The following DPYSL3 variants were observed in gnomAD, a reference collection of about 807,000 sequenced individuals.
DPYSL3 encodes dihydropyrimidinase like 3.
In DPYSL3, 16 loss-of-function variants were observed where a neutral mutation model predicts 66.1. The ratio of observed to expected loss-of-function variants is 0.24; its 90% CI spans 0.16 to 0.37. DPYSL3 has a LOEUF of 0.37. Ranked by LOEUF, DPYSL3 falls within the 10% of genes least tolerant of loss-of-function variation. The pLI, the probability that DPYSL3 is intolerant of heterozygous loss-of-function variation, is 1.00. For missense variants in DPYSL3, 738 were observed against 916.2 expected (o/e 0.81, Z 2.51); for synonymous variants, 338 against 345.1 (o/e 0.98, Z 0.23).
chr5:147,429,527 A>T (rs1752268574), intron 1 of DPYSL3, among the ~76,000 whole-genome samples: 1 of 152,152 alleles, frequency 6.6e-6, no homozygotes, highest in African/African-American at 2.4e-5. Flanking sequence ...TAGCTAATAA[A>T]TATTACATTT....
chr5:147,423,023 C>A (rs1408863360), intron 2 of DPYSL3, among the ~76,000 whole-genome samples: 2 of 152,046 alleles, frequency 1.3e-5, no homozygotes. Flanking sequence ...TAAAAAAGTT[C>A]TGTGAACAAT....
intron 8 of DPYSL3, among the ~76,000 whole-genome samples, chr5:147,403,456 G>A (rs1293745036): frequency 6.6e-6 from 1 of 152,152 alleles, no homozygotes; most frequent in Non-Finnish European, 1.5e-5. Context: ...AGCTCTCCCA[G>A]CTGGGAGATC....
intron 1 of DPYSL3, among the ~76,000 whole-genome samples, chr5:147,464,534 A>C (rs536273893): frequency 6.6e-6 from 1 of 152,200 alleles, no homozygotes; most frequent in Non-Finnish European, 1.5e-5. Flanking sequence ...TATCAGGAGA[A>C]GGTAAGGCTG....
intron 1 of DPYSL3, among the ~76,000 whole-genome samples, chr5:147,497,050 C>G (rs1052724835): frequency 7.2e-5 from 11 of 152,276 alleles, no homozygotes; most frequent in African/African-American, 2.6e-4. Context: ...CACATATACA[C>G]CACGGAATAC....
intron 2 of DPYSL3, among the ~76,000 whole-genome samples, chr5:147,422,320 A>G (rs1752097197): frequency 3.9e-5 from 6 of 152,220 alleles, no homozygotes; most frequent in Admixed American, 3.9e-4. Context: ...CACGCCAGTT[A>G]GAATGGCGAT....
intron 7 of DPYSL3, among the ~76,000 whole-genome samples, chr5:147,406,621 T>C (rs1418260814): frequency 6.6e-6 from 1 of 152,218 alleles, no homozygotes; most frequent in Non-Finnish European, 1.5e-5. Flanking sequence ...GCTACTGATA[T>C]TATTGTTGAT....
chr5:147,420,826 C>A (rs141944436), intron 2 of DPYSL3, among the ~76,000 whole-genome samples: 1 of 152,086 alleles, frequency 6.6e-6, no homozygotes, highest in East Asian at 1.9e-4. Flanking sequence ...ATAGAAATGG[C>A]GAAAAGGAAT....
chr5:147,405,949 T>C, intron 7 of DPYSL3: 1 of 472,176 alleles, frequency 2.1e-6, no homozygotes, highest in Non-Finnish European at 3.7e-6. Context: ...ACTAGTAAAA[T>C]AGTATAGCAC....
intron 1 of DPYSL3, among the ~76,000 whole-genome samples, chr5:147,475,047 C>T (rs547708436): frequency 3.3e-4 from 50 of 152,070 alleles, no homozygotes; most frequent in African/African-American, 1.2e-3. Context: ...TGGCAGTTTC[C>T]CAAAAGACTA....
chr5:147,452,471 C>T (rs1752750680), intron 1 of DPYSL3, among the ~76,000 whole-genome samples: 1 of 143,546 alleles, frequency 7.0e-6, no homozygotes, highest in Admixed American at 6.9e-5. Flanking sequence ...ACACACACAC[C>T]ATCCAATTCA....
intron 12 of DPYSL3, 83 bp from the exon 13 acceptor site, chr5:147,395,804 TAC>T: frequency 6.6e-7 from 1 of 1,511,096 alleles, no homozygotes; most frequent in Non-Finnish European, 9.0e-7. Flanking sequence ...TATTAGTGAA[TAC>T]AGTGTGTGGT....
intron 1 of DPYSL3, among the ~76,000 whole-genome samples, chr5:147,466,324 G>A (rs1753010027): frequency 1.3e-5 from 2 of 152,168 alleles, no homozygotes; most frequent in African/African-American, 4.8e-5. Flanking sequence ...GGAGAATAGG[G>A]AGTCTGTGTC....
chr5:147,438,792 T>C (rs902648040), intron 1 of DPYSL3, among the ~76,000 whole-genome samples: 1 of 152,262 alleles, frequency 6.6e-6, no homozygotes, highest in Admixed American at 6.5e-5. Context: ...GTAACATGTA[T>C]TAAATTTTGT....
At position 147,454,016 on chromosome 5, in the gene DPYSL3, G is replaced by T. The variant is rs186453400; in HGVS notation, c.382-29053C>A. On this transcript the variant is annotated intron_variant, in intron 1 of 13. Transcript: ENST00000343218. ...TTTTTTTCTGATTCGCGAGTGCTGC[G>T]GAGTCAGGCTGCTCCACAGCCACCA... is the stretch of plus-strand genomic sequence containing the variant. The T allele has an allele frequency of 3.3e-3, 519 of 157,386 alleles. 3 individuals are homozygous for T. Among genetic ancestry groups the T allele is most frequent in the African/African-American group, 0.012 (482 of 40,896 alleles). The allele number at this position is 157,386 out of a possible 1,614,324, so 9.7% of individuals were successfully genotyped here.
chr5:147,418,991 T>C (rs1225021151), intron 2 of DPYSL3, among the ~76,000 whole-genome samples: 1 of 152,174 alleles, frequency 6.6e-6, no homozygotes, highest in Non-Finnish European at 1.5e-5. Context: ...AGAAATAACA[T>C]TTGGAGAAGA....
intron 1 of DPYSL3, among the ~76,000 whole-genome samples, chr5:147,427,615 T>A (rs892143524): frequency 6.6e-6 from 1 of 152,100 alleles, no homozygotes; most frequent in Non-Finnish European, 1.5e-5. Context: ...AAATACATAT[T>A]CCCAGGCTGT....
chr5:147,441,909 C>A (rs1752539428), intron 1 of DPYSL3, among the ~76,000 whole-genome samples: 1 of 152,128 alleles, frequency 6.6e-6, no homozygotes, highest in African/African-American at 2.4e-5. Flanking sequence ...GTGGAATAAA[C>A]CCAGGATGAA....
intron 10 of DPYSL3, 146 bp from the exon 11 acceptor site, chr5:147,399,398 TCAGCAAG>T: frequency 1.1e-6 from 1 of 893,496 alleles, no homozygotes; most frequent in South Asian, 2.1e-5. Context: ...AGAACCTCAC[TCAGCAAG>T]CTCGAATTAG....
chr5:147,475,801 G>T (rs1343891398), intron 1 of DPYSL3, among the ~76,000 whole-genome samples: 1 of 151,998 alleles, frequency 6.6e-6, no homozygotes, highest in Non-Finnish European at 1.5e-5. Context: ...TATTTGTAAA[G>T]GTTTTTGAGC....
Sources: gnomAD v4.1 joint callset for allele counts (sites outside exome capture counted in the v4.1 genomes callset) on GRCh38, gnomAD v4.1.1 for gene constraint, MANE v1.5 for transcripts, NCBI Gene and HGNC (gene_info 2026-07-23, HGNC 2026-07-21) for gene names.